DSCAM: variants seen among roughly 807,000 people sequenced by gnomAD.
DSCAM encodes cell adhesion molecule DSCAM.
In DSCAM, 47 loss-of-function variants were observed where a neutral mutation model predicts 217.7. That is an observed-to-expected ratio of 0.22 (90% confidence interval 0.17 to 0.28). The LOEUF (loss-of-function observed/expected upper bound fraction) is 0.28. Among genes scored for constraint, DSCAM ranks in the 10% least tolerant of loss-of-function variants. The pLI is 1.00. For missense variants in DSCAM, 2,080 were observed against 2,618.3 expected (o/e 0.79, Z 4.49); for synonymous variants, 1,056 against 1,015.3 (o/e 1.04, Z -0.76).
intron 1 of DSCAM, among the ~76,000 whole-genome samples, chr21:40,765,909 C>T (rs773598858): frequency 2.6e-5 from 4 of 152,152 alleles, no homozygotes; most frequent in Admixed American, 1.3e-4. Context: ...TGCAGGAGAA[C>T]GAGGAGCTGA....
intron 3 of DSCAM, among the ~76,000 whole-genome samples, chr21:40,571,762 C>T (rs1264229300): frequency 6.6e-6 from 1 of 151,994 alleles, no homozygotes; most frequent in Non-Finnish European, 1.5e-5. Flanking sequence ...CTGAAATATT[C>T]CCATTTTAGT....
At chr21:40,125,210 A>G (rs1424782567) in intron 19 of DSCAM, among the ~76,000 whole-genome samples, 16 of 152,220 alleles carry the variant, frequency 1.1e-4, no homozygotes, top group Non-Finnish European at 2.9e-5. Flanking sequence ...AAGGCAGAAC[A>G]TGGTGGCAGC....
intron 1 of DSCAM, among the ~76,000 whole-genome samples, chr21:40,828,283 G>T (rs1168599991): frequency 6.6e-6 from 1 of 152,172 alleles, no homozygotes; most frequent in Admixed American, 6.5e-5. Context: ...AAGTCTTTAA[G>T]CAGATGGGAG....
At chr21:40,531,372 T>C (rs1354305205) in intron 3 of DSCAM, among the ~76,000 whole-genome samples, 1 of 152,340 alleles carries the variant, frequency 6.6e-6, no homozygotes. Flanking sequence ...CGTTTACCTG[T>C]CCTTTCTTAT....
intron 4 of DSCAM, among the ~76,000 whole-genome samples, chr21:40,363,459 G>A (rs974880305): frequency 6.6e-6 from 1 of 151,844 alleles, no homozygotes; most frequent in East Asian, 1.9e-4. Context: ...CATCATGTTA[G>A]CCAGGCTGGT....
chr21:40,435,108 G>A (rs2075571227), intron 3 of DSCAM, among the ~76,000 whole-genome samples: 1 of 152,206 alleles, frequency 6.6e-6, no homozygotes, highest in South Asian at 2.1e-4. Flanking sequence ...GCAGGAGGTG[G>A]CAGAGATTAC....
At chr21:40,134,124 T>A (rs2090183213) in intron 18 of DSCAM, 115 bp from the exon 19 acceptor site, 3 of 1,325,414 alleles carry the variant, frequency 2.3e-6, no homozygotes, top group Non-Finnish European at 3.0e-6. Flanking sequence ...CCAGCCATCA[T>A]CTGGACACGA....
intron 10 of DSCAM, among the ~76,000 whole-genome samples, chr21:40,280,777 G>A (rs2073750580): frequency 6.6e-6 from 1 of 152,160 alleles, no homozygotes; most frequent in Non-Finnish European, 1.5e-5. Flanking sequence ...ACTGGGTGAG[G>A]AGCTATGGCT....
intron 3 of DSCAM, among the ~76,000 whole-genome samples, chr21:40,470,642 C>A (rs2145967106): frequency 6.6e-6 from 1 of 152,280 alleles, no homozygotes; most frequent in South Asian, 2.1e-4. Context: ...CAGCCTTGAC[C>A]TCCCCAGCTC....
chr21:40,097,882 A>G (rs2089695565), intron 20 of DSCAM, among the ~76,000 whole-genome samples: 1 of 147,524 alleles, frequency 6.8e-6, no homozygotes. Context: ...CGGAGCTTGC[A>G]GTGAGCCAAG....
In DSCAM at chr21:40,013,249, C is replaced by G. The variant is rs746082516; in HGVS notation, c.5824G>C (p.Val1942Leu). Reference sequence around the variant, plus strand: ...GCTTCCATCGGGATGGGCTCCAGGACCGTGGGGCGCTTCAGGGTCCGGCTT... The same window carrying G: ...GCTTCCATCGGGATGGGCTCCAGGAGCGTGGGGCGCTTCAGGGTCCGGCTT... ...QKSRTLKRPT[V>L]LEPIPMEAAS... Residue 1942 changes from valine to leucine, a missense_variant, in exon 33 of 33, where the codon GTC (valine) becomes CTC (leucine). Coordinates refer to ENST00000400454, the MANE Select transcript of DSCAM (RefSeq NM_001389.5). The G allele has an allele frequency of 1.7e-5, 27 of 1,613,906 alleles. No individual in the cohort carries two copies. The highest frequency in any genetic ancestry group is 2.3e-5 in the Non-Finnish European group (27 of 1,179,948).
intron 3 of DSCAM, among the ~76,000 whole-genome samples, chr21:40,613,405 T>C (rs1261522918): frequency 6.6e-6 from 1 of 152,214 alleles, no homozygotes; most frequent in Non-Finnish European, 1.5e-5. Context: ...TTAACAGTGA[T>C]ATTTTCATTT....
At chr21:40,036,547 C>G (rs1269663211) in intron 32 of DSCAM, among the ~76,000 whole-genome samples, 2 of 146,858 alleles carry the variant, frequency 1.4e-5, no homozygotes, top group African/African-American at 5.3e-5. Context: ...CAAAAAGAGT[C>G]CAGGACCAGA....
chr21:40,033,695 C>CT, intron 32 of DSCAM, among the ~76,000 whole-genome samples: 1 of 151,810 alleles, frequency 6.6e-6, no homozygotes, highest in Non-Finnish European at 1.5e-5. Flanking sequence ...GGCCTGCCTG[C>CT]CTGCCTCTGT....
chr21:40,324,103 CAAAAAAAAAAAA>C (rs71330393), intron 8 of DSCAM, among the ~76,000 whole-genome samples: 3 of 27,936 alleles, frequency 1.1e-4, no homozygotes, highest in South Asian at 2.4e-3. Flanking sequence ...AACTCTGTCT[CAAAAAAAAAAAA>C]AAAAAAAAAA....
chr21:40,263,451 C>T (rs1485573093), intron 11 of DSCAM, among the ~76,000 whole-genome samples: 1 of 152,138 alleles, frequency 6.6e-6, no homozygotes, highest in Non-Finnish European at 1.5e-5. Context: ...CAATCTACCT[C>T]TGAATGATTT....
intron 32 of DSCAM, among the ~76,000 whole-genome samples, chr21:40,029,235 G>A (rs1368903623): frequency 6.6e-6 from 1 of 151,942 alleles, no homozygotes. Context: ...TTTATCCTGT[G>A]CCGTCAAGAG....
At chr21:40,452,045 A>T (rs1228768278) in intron 3 of DSCAM, among the ~76,000 whole-genome samples, 4 of 152,122 alleles carry the variant, frequency 2.6e-5, no homozygotes, top group Non-Finnish European at 5.9e-5. Flanking sequence ...TAGGCCCCTC[A>T]ACCAGGAGAA....
chr21:40,061,782 A>C (rs1486240882), intron 28 of DSCAM, among the ~76,000 whole-genome samples: 1 of 152,096 alleles, frequency 6.6e-6, no homozygotes, highest in Non-Finnish European at 1.5e-5. Flanking sequence ...TACTAATTTT[A>C]TATGTATAGA....
Sources: gnomAD v4.1 joint callset for allele counts (sites outside exome capture counted in the v4.1 genomes callset) on GRCh38, gnomAD v4.1.1 for gene constraint, MANE v1.5 for transcripts, NCBI Gene and HGNC (gene_info 2026-07-23, HGNC 2026-07-21) for gene names.